The following TMEM65 variants were observed in gnomAD, a reference collection of about 807,000 sequenced individuals.
TMEM65 encodes transmembrane protein 65.
TMEM65 carries 22 observed loss-of-function variants against 25.4 expected under a neutral mutation model. The observed-to-expected ratio is 0.86, with a 90% CI of 0.62 to 1.23. TMEM65 has a LOEUF of 1.23. Ranked by LOEUF, TMEM65 falls within the 50% of genes most tolerant of loss-of-function variation. The pLI is 0.00. For synonymous variants in TMEM65, 132 were observed against 126.2 expected, an observed-to-expected ratio of 1.05 and a Z score of -0.31; for missense variants, 262 against 308.2, an observed-to-expected ratio of 0.85 and a Z score of 1.12.
At chr8:124,346,662 G>A (rs538846936) in intron 1 of TMEM65, among the ~76,000 whole-genome samples, 2 of 152,276 alleles carry the variant, frequency 1.3e-5, no homozygotes, top group African/African-American at 4.8e-5. Context: ...TTCTTTAAGT[G>A]TCTAATTATG....
At chr8:124,337,841 G>A (rs917071459) in intron 1 of TMEM65, among the ~76,000 whole-genome samples, 3 of 151,922 alleles carry the variant, frequency 2.0e-5, no homozygotes, top group African/African-American at 7.2e-5. Flanking sequence ...CATTAAACAA[G>A]CCATTTTTAT....
rs1326630575 is a variant in TMEM65, at chr8:124,306,307, A to T, written c.*7653T>A. 1 of 152,196 alleles carries T rather than the reference A, an allele frequency of 6.6e-6. No individual in the cohort carries two copies. The highest frequency in any genetic ancestry group is 1.5e-5 in the Non-Finnish European group (1 of 68,028). 9.4% of individuals were successfully genotyped at this position (152,196 alleles called of 1,614,324 possible). A position where few individuals can be genotyped will look rare whatever the true frequency, so the allele number is the denominator to read the frequency against. On this transcript the variant is annotated 3_prime_UTR_variant, in exon 7 of 7. Coordinates refer to ENST00000297632, the MANE Select transcript of TMEM65 (RefSeq NM_194291.3). ...TATTCTATTTCCCATTAAGCATTTG[A>T]TCATGTTACAAAACAATGGCCTAGA...
In TMEM65 at chr8:124,313,951, C is replaced by G; in HGVS notation, c.*9G>C. The G allele has an allele frequency of 1.9e-6, 3 of 1,587,956 alleles. No homozygotes were observed. The highest frequency in any genetic ancestry group is 2.6e-6 in the Non-Finnish European group (3 of 1,157,478). ...TAGTTTACATCTTTTTATAGGTATT[C>G]TAAGAGGATTAACTTTTCGTTTCCA... On this transcript the variant is annotated 3_prime_UTR_variant, in exon 7 of 7. Transcript: ENST00000297632.
Position 124,354,276 on chromosome 8 carries a change from G to T in TMEM65, c.304+17578C>A, listed in dbSNP as rs570199326. 3.9e-5 allele frequency among the ~76,000 whole-genome samples: 6 copies of T among 152,314 alleles called. No homozygotes were observed. In the South Asian group the frequency reaches 1.2e-3, roughly 32 times the overall value. ...ACAACTAAATGCAACACACAATTCTGATCTGAATCTTTTTGCTCTAAAGAA... is the reference window on the plus strand; with the variant it reads ...ACAACTAAATGCAACACACAATTCTTATCTGAATCTTTTTGCTCTAAAGAA... On this transcript the variant is annotated intron_variant, in intron 1 of 6. Coordinates refer to ENST00000297632, the MANE Select transcript of TMEM65 (RefSeq NM_194291.3).
intron 1 of TMEM65, among the ~76,000 whole-genome samples, chr8:124,359,475 A>G (rs1334484665): frequency 6.6e-6 from 1 of 152,190 alleles, no homozygotes; most frequent in Non-Finnish European, 1.5e-5. Context: ...AGACTGTAAG[A>G]TCATGCCTGT....
Position 124,318,363 on chromosome 8 carries a change from G to GTTTTTTTTTTTTTTTTTTTTTTTTTT in TMEM65, c.621+1722_621+1723insAAAAAAAAAAAAAAAAAAAAAAAAAA, listed in dbSNP as rs144957064. ...TTGTTTTAAGCTGCTGAATTTGCAT[G>GTTTTTTTTTTTTTTTTTTTTTTTTTT]TTTTTGTTTTTTTTTTTTTTTTTTT... is the stretch of plus-strand genomic sequence containing the variant. On this transcript the variant is annotated intron_variant, in intron 6 of 6. Coordinates refer to ENST00000297632, the MANE Select transcript of TMEM65 (RefSeq NM_194291.3). Among the ~76,000 whole-genome samples, 4 of 73,840 alleles carry GTTTTTTTTTTTTTTTTTTTTTTTTTT rather than the reference G, an allele frequency of 5.4e-5. 1 individual carries two copies. The highest frequency in any genetic ancestry group is 7.0e-5 in the Non-Finnish European group (3 of 42,998). The allele number at this position is 73,840 out of a possible 152,430, so 48.4% of individuals were successfully genotyped here.
intron 6 of TMEM65, among the ~76,000 whole-genome samples, chr8:124,319,443 A>C (rs1453894159): frequency 6.6e-6 from 1 of 152,020 alleles, no homozygotes; most frequent in East Asian, 1.9e-4. Flanking sequence ...TTACTTCTCC[A>C]ATGTTGTCTC....
rs144358218 is a variant in TMEM65, at chr8:124,323,096, T to C, written c.472+225A>G. ...GAAAATCTTGTCTTAACGAAATCAA[T>C]ATAGCAGAGTATTGTTATCCAATAA... On this transcript the variant is annotated intron_variant, in intron 4 of 6. Transcript: ENST00000297632. 7.2e-5 allele frequency among the ~76,000 whole-genome samples: 11 copies of C among 152,184 alleles called. No homozygotes were observed. The East Asian group carries it at 1.4e-3, about 19-fold the overall frequency.
intron 1 of TMEM65, among the ~76,000 whole-genome samples, chr8:124,369,262 T>A (rs1052088044): frequency 6.6e-6 from 1 of 152,218 alleles, no homozygotes; most frequent in African/African-American, 2.4e-5. Context: ...TGATAAGATA[T>A]CCCACAAGGT....
intron 1 of TMEM65, among the ~76,000 whole-genome samples, chr8:124,350,404 TTCTC>T (rs139539107): frequency 6.7e-6 from 1 of 148,770 alleles, no homozygotes; most frequent in Non-Finnish European, 1.5e-5. Context: ...GTTTTAATCT[TTCTC>T]TCTCTCTCTC....
At chr8:124,356,178 G>A (rs1440823249) in intron 1 of TMEM65, among the ~76,000 whole-genome samples, 2 of 151,974 alleles carry the variant, frequency 1.3e-5, no homozygotes, top group African/African-American at 4.8e-5. Flanking sequence ...CTTTATAACA[G>A]CATAAGAATG....
intron 1 of TMEM65, among the ~76,000 whole-genome samples, chr8:124,356,012 T>C (rs1198712872): frequency 6.6e-6 from 1 of 152,104 alleles, no homozygotes; most frequent in Non-Finnish European, 1.5e-5. Context: ...AAAGTGCCCA[T>C]TGTAGTAGAA....
At chr8:124,326,923 AAGGCTAGACT>A (rs1449650766) in intron 3 of TMEM65, among the ~76,000 whole-genome samples, 2 of 152,062 alleles carry the variant, frequency 1.3e-5, no homozygotes, top group African/African-American at 4.8e-5. Context: ...GGCTAGACTG[AAGGCTAGACT>A]ATGTATCAAA....
At chr8:124,354,783 A>G (rs1171254571) in intron 1 of TMEM65, among the ~76,000 whole-genome samples, 1 of 152,016 alleles carries the variant, frequency 6.6e-6, no homozygotes, top group African/African-American at 2.4e-5. Flanking sequence ...CCAGCACACT[A>G]CTCAATCAAC....
intron 1 of TMEM65, among the ~76,000 whole-genome samples, chr8:124,361,830 C>T (rs1311577057): frequency 6.6e-6 from 1 of 151,604 alleles, no homozygotes; most frequent in Non-Finnish European, 1.5e-5. Flanking sequence ...AGCAAAACTC[C>T]ATCTCAAAAA....
chr8:124,314,411 C>T (rs1308537129), intron 6 of TMEM65, among the ~76,000 whole-genome samples: 1 of 152,190 alleles, frequency 6.6e-6, no homozygotes, highest in Non-Finnish European at 1.5e-5. Context: ...ACTTCTTCAA[C>T]ATTATAAGTG....
intron 1 of TMEM65, among the ~76,000 whole-genome samples, chr8:124,362,036 A>C (rs1181016947): frequency 6.6e-6 from 1 of 151,260 alleles, no homozygotes; most frequent in African/African-American, 2.4e-5. Context: ...GATTACAGGC[A>C]CCCGTCACCA....
chr8:124,358,812 C>T lies in TMEM65; in HGVS notation c.304+13042G>A, dbSNP rs560647377. Among the ~76,000 whole-genome samples the T allele has an allele frequency of 5.7e-4, 87 of 152,302 alleles. 1 individual carries two copies. The highest frequency in any genetic ancestry group is 2.5e-3 in the Admixed American group (39 of 15,300). ...GCTCCCAGCAACCCCCAGAAACAAG[C>T]GGCCAAGTGAGGTACCCACAGGATC... On this transcript the variant is annotated intron_variant, in intron 1 of 6. Coordinates refer to ENST00000297632, the MANE Select transcript of TMEM65 (RefSeq NM_194291.3).
rs183332607 is a variant in TMEM65 at position 124,358,941 on chromosome 8, T to C, written c.304+12913A>G. Among the ~76,000 whole-genome samples, 239 of 152,298 alleles carry C rather than the reference T, an allele frequency of 1.6e-3. 1 individual carries two copies. The highest frequency in any genetic ancestry group is 3.4e-3 in the Middle Eastern group (1 of 294). ...GCTATCTGAGTTTGAGCAATTTTTT[T>C]TATCTGAACTGAATTTGGAAGTTGT... is the stretch of plus-strand genomic sequence containing the variant. On this transcript the variant is annotated intron_variant, in intron 1 of 6. Coordinates refer to ENST00000297632, the MANE Select transcript of TMEM65 (RefSeq NM_194291.3).
Sources: gnomAD v4.1 joint callset for allele counts (sites outside exome capture counted in the v4.1 genomes callset) on GRCh38, gnomAD v4.1.1 for gene constraint, MANE v1.5 for transcripts, NCBI Gene and HGNC (gene_info 2026-07-23, HGNC 2026-07-21) for gene names.